RADX: variants seen among roughly 807,000 people sequenced by gnomAD.
RADX encodes RPA-related protein RADX.
Under a neutral mutation model 61.6 loss-of-function variants are expected in RADX, and 36 were observed. The ratio of observed to expected loss-of-function variants is 0.58; its 90% confidence interval spans 0.45 to 0.77. The LOEUF (loss-of-function observed/expected upper bound fraction) is 0.77. Among genes scored for constraint, RADX ranks in the 30% least tolerant of loss-of-function variants. The pLI is 0.00. For missense variants in RADX, 497 were observed against 651.1 expected (o/e 0.76, Z 2.58); for synonymous variants, 272 against 237.9 (o/e 1.14, Z -1.32).
chrX:106,646,456 T>C (rs919493981), intron 10 of RADX, among the ~76,000 whole-genome samples: 1 of 111,537 alleles, frequency 9.0e-6, no homozygotes, highest in African/African-American at 3.2e-5. Context: ...AAAGATGAGT[T>C]AATACTTTCA....
At chrX:106,617,699 A>G (rs1455893226) in intron 1 of RADX, among the ~76,000 whole-genome samples, 2 of 111,802 alleles carry the variant, frequency 1.8e-5, no homozygotes, top group Non-Finnish European at 3.8e-5. Flanking sequence ...TTGGTAGCAT[A>G]TTAGGACAAT....
intron 10 of RADX, among the ~76,000 whole-genome samples, chrX:106,644,510 C>G (rs1372574678): frequency 9.0e-6 from 1 of 111,059 alleles, no homozygotes; most frequent in Non-Finnish European, 1.9e-5. Flanking sequence ...AATGTTTTTT[C>G]AACATCAATT....
At chrX:106,668,650 C>T (rs1270906528) in intron 12 of RADX, among the ~76,000 whole-genome samples, 1 of 111,919 alleles carries the variant, frequency 8.9e-6, no homozygotes, top group Non-Finnish European at 1.9e-5. Context: ...AGCCCTTTTT[C>T]TAGCACAACC....
At chrX:106,646,390 C>T (rs920921078) in intron 10 of RADX, among the ~76,000 whole-genome samples, 1 of 110,938 alleles carries the variant, frequency 9.0e-6, no homozygotes, top group Non-Finnish European at 1.9e-5. Flanking sequence ...TCCTAACCCT[C>T]AGGACTTCTG....
At position 106,668,273 on chromosome X, in the gene RADX, A is replaced by G. The variant is rs546089615; in HGVS notation, c.2270-890A>G. Among the ~76,000 whole-genome samples the G allele has an allele frequency of 6.2e-5, 7 of 112,041 alleles. No homozygotes were observed. In the South Asian group the frequency reaches 1.9e-3, roughly 30 times the overall value. ...TAAGGGATGAATCAGAGAGATATTA[A>G]GGTCATAGAATCTAGCTGACTAAAT... On this transcript the variant is annotated intron_variant, in intron 12 of 13. Transcript: ENST00000372548.
chrX:106,665,318 T>C (rs1928202277), intron 12 of RADX, among the ~76,000 whole-genome samples: 1 of 112,185 alleles, frequency 8.9e-6, no homozygotes, highest in South Asian at 3.7e-4. Context: ...CTTTTGCAAC[T>C]ACTCAGCTCT....
chrX:106,647,158 G>T (rs1927677667), intron 10 of RADX, among the ~76,000 whole-genome samples: 1 of 110,336 alleles, frequency 9.1e-6, no homozygotes, highest in African/African-American at 3.3e-5. Flanking sequence ...CCAGCCTCTG[G>T]TAACCATTCT....
intron 1 of RADX, among the ~76,000 whole-genome samples, chrX:106,617,514 C>T (rs940819906): frequency 9.0e-6 from 1 of 111,642 alleles, no homozygotes; most frequent in African/African-American, 3.3e-5. Context: ...TTTATTTCTC[C>T]TTATATTTCT....
intron 12 of RADX, among the ~76,000 whole-genome samples, chrX:106,663,053 C>T (rs1184373000): frequency 1.8e-5 from 2 of 110,567 alleles, no homozygotes; most frequent in Admixed American, 9.7e-5. Context: ...GATCTTAGTA[C>T]CAGGTCTTAT....
chrX:106,640,820 G>C, intron 10 of RADX, 99 bp downstream of exon 10: 1 of 575,104 alleles, frequency 1.7e-6, no homozygotes, highest in Non-Finnish European at 2.6e-6. Context: ...GTATTAATTT[G>C]TTAGGGCCCC....
In RADX at chrX:106,637,781, C is replaced by CGT. The variant is rs764870480; in HGVS notation, c.1431_1432dup (p.Tyr478CysfsTer6). The CGT allele has an allele frequency of 7.5e-6, 9 of 1,204,178 alleles. No individual in the cohort carries two copies. The highest frequency in any genetic ancestry group is 9.0e-6 in the Non-Finnish European group (8 of 892,295). The stretch of plus-strand genomic sequence containing the variant: ...GGAGGTCATAGAGGCCAGCCGTATA[C>CGT]GTATGATGCCAAGGTAAAAAACTTT... On this transcript the variant is annotated frameshift_variant, in exon 8 of 14. Transcript: ENST00000372548. LOFTEE classifies it high-confidence loss of function.
intron 11 of RADX, among the ~76,000 whole-genome samples, chrX:106,654,234 G>T (rs1927873642): frequency 9.0e-6 from 1 of 111,277 alleles, no homozygotes; most frequent in African/African-American, 3.3e-5. Context: ...ATTCTAACTG[G>T]CATGAGATGG....
chrX:106,659,796 TA>T (rs1298012612), intron 11 of RADX, among the ~76,000 whole-genome samples: 2 of 111,232 alleles, frequency 1.8e-5, no homozygotes, highest in Non-Finnish European at 3.8e-5. Context: ...GTTACTAAAA[TA>T]AAAAAATAAA....
intron 1 of RADX, among the ~76,000 whole-genome samples, chrX:106,613,153 T>G (rs1028496608): frequency 2.7e-5 from 3 of 112,071 alleles, no homozygotes; most frequent in Non-Finnish European, 5.6e-5. Context: ...GTTGTAAAAA[T>G]TTGCGGGTTT....
chrX:106,635,145 T>A (rs1285431624), intron 6 of RADX, among the ~76,000 whole-genome samples: 1 of 111,822 alleles, frequency 8.9e-6, no homozygotes, highest in South Asian at 3.7e-4. Context: ...TATGACTTTT[T>A]TTTTCATAAG....
chrX:106,652,115 C>T (rs111789233), intron 11 of RADX, among the ~76,000 whole-genome samples: 12,135 of 110,447 alleles, frequency 0.11, 1,639 homozygotes, highest in African/African-American at 0.38. Flanking sequence ...CTTTCGTATT[C>T]CAATCTTAAA....
At chrX:106,647,401 T>C (rs1353913790) in intron 10 of RADX, among the ~76,000 whole-genome samples, 1 of 111,129 alleles carries the variant, frequency 9.0e-6, no homozygotes, top group Non-Finnish European at 1.9e-5. Context: ...GTTGATGGAC[T>C]CTTAGGTTGC....
At position 106,632,977 on chromosome X, in the gene RADX, T is replaced by C. The variant is rs775537317; in HGVS notation, c.1134T>C (p.Ile378=). The C allele has an allele frequency of 2.5e-6, 3 of 1,210,882 alleles. No homozygotes were observed. In the South Asian group the frequency reaches 5.3e-5, roughly 21 times the overall value. Reference sequence around the variant, plus strand: ...CAGAAAATTGCATCTGTGATGTTATTGGCCTTTTAGTTTTTGTAGGAAGGG... The same window carrying C: ...CAGAAAATTGCATCTGTGATGTTATCGGCCTTTTAGTTTTTGTAGGAAGGG... ...DMPENCICDV[I]GLLVFVGRVQ... The change falls in exon 5 of 14, where the codon ATT becomes ATC. Residue 378 remains isoleucine (I), a synonymous_variant. Transcript: ENST00000372548.
intron 3 of RADX, among the ~76,000 whole-genome samples, chrX:106,630,977 T>C (rs1040999110): frequency 1.8e-5 from 2 of 112,231 alleles, no homozygotes; most frequent in Non-Finnish European, 3.8e-5. Flanking sequence ...GTCAACTGAT[T>C]ATGTATACTC....
Sources: allele counts gnomAD v4.1 joint callset (sites outside exome capture counted in the v4.1 genomes callset), GRCh38; gene constraint gnomAD v4.1.1; transcripts MANE v1.5; gene names NCBI Gene and HGNC (gene_info 2026-07-23, HGNC 2026-07-21).